ETV6: variants seen among roughly 807,000 people sequenced by gnomAD.
ETV6 encodes the protein ETS variant transcription factor 6.
A neutral mutation model predicts 51.1 loss-of-function variants in ETV6; 16 were observed. The ratio of observed to expected loss-of-function variants is 0.31; its 90% confidence interval spans 0.21 to 0.48. The LOEUF (loss-of-function observed/expected upper bound fraction) is 0.48. ETV6 is among the 20% of genes least tolerant of loss of function. The probability of loss-of-function intolerance (pLI) is 0.99; values close to 1 mark genes in which losing one functional copy is unlikely to be tolerated. For synonymous variants in ETV6, 240 were observed against 224.1 expected (o/e 1.07, Z -0.64); for missense variants, 458 against 594.8 (o/e 0.77, Z 2.39).
At chr12:11,739,602 C>T (rs1416760152) in intron 1 of ETV6, among the ~76,000 whole-genome samples, 3 of 151,972 alleles carry the variant, frequency 2.0e-5, no homozygotes, top group South Asian at 4.2e-4. Flanking sequence ...AATTTAGTGT[C>T]GGATTTGAAA....
intron 5 of ETV6, among the ~76,000 whole-genome samples, chr12:11,873,007 C>G (rs1006205733): frequency 1.3e-5 from 2 of 152,062 alleles, no homozygotes; most frequent in Non-Finnish European, 2.9e-5. Context: ...GTAAAATAAC[C>G]CTGGGGCCTA....
chr12:11,787,043 C>G, intron 2 of ETV6, among the ~76,000 whole-genome samples: 1 of 152,126 alleles, frequency 6.6e-6, no homozygotes, highest in East Asian at 1.9e-4. Context: ...CCCAAAGAGT[C>G]TGAAAGAGTA....
chr12:11,800,617 G>A (rs1353768484), intron 2 of ETV6, among the ~76,000 whole-genome samples: 3 of 152,034 alleles, frequency 2.0e-5, no homozygotes, highest in African/African-American at 7.3e-5. Context: ...ATGTAAGCGA[G>A]ATCGTGTAAT....
intron 4 of ETV6, among the ~76,000 whole-genome samples, chr12:11,861,148 C>T (rs566574220): frequency 6.6e-6 from 1 of 152,228 alleles, no homozygotes; most frequent in South Asian, 2.1e-4. Context: ...CAAGATTAAC[C>T]TTTTTGCAGC....
chr12:11,799,593 T>G (rs1402859012), intron 2 of ETV6, among the ~76,000 whole-genome samples: 4 of 152,120 alleles, frequency 2.6e-5, no homozygotes, highest in African/African-American at 9.7e-5. Context: ...AAAAAGAGGT[T>G]AATAAATCCA....
In ETV6 at chr12:11,873,810, G is replaced by A. The variant is rs1235938906; in HGVS notation, c.1009+3841G>A. On this transcript the variant is annotated intron_variant, in intron 5 of 7. Coordinates refer to ENST00000396373, the MANE Select transcript of ETV6 (RefSeq NM_001987.5). Reference sequence around the variant, plus strand: ...GCTGAGCACAGTTAACTATAAAAGCGAAGCACATGACATGTATCTTAGAAG... The same window carrying A: ...GCTGAGCACAGTTAACTATAAAAGCAAAGCACATGACATGTATCTTAGAAG... Among the ~76,000 whole-genome samples the A allele has an allele frequency of 2.7e-5, 3 of 111,158 alleles. 1 individual carries two copies. Among genetic ancestry groups the A allele is most frequent in the Non-Finnish European group, 5.5e-5 (3 of 54,656 alleles). 72.9% of individuals were successfully genotyped at this position (111,158 alleles called of 152,430 possible).
chr12:11,842,266 C>G (rs1371698665), intron 3 of ETV6, among the ~76,000 whole-genome samples: 2 of 152,098 alleles, frequency 1.3e-5, no homozygotes, highest in African/African-American at 4.8e-5. Flanking sequence ...TCCTGGAAGG[C>G]TTCTCTTGAC....
Position 11,892,210 on chromosome 12 carries a change from AT to A in ETV6, c.*1187del, listed in dbSNP as rs35812814. On this transcript the variant is annotated 3_prime_UTR_variant, in exon 8 of 8. Transcript: ENST00000396373. Reference sequence around the variant, plus strand: ...GTGGTCAGTTTCATGCCCTCACCTGATTTTTTTTTTTTTTTTTTTTTTTCAA... The same window carrying A: ...GTGGTCAGTTTCATGCCCTCACCTGATTTTTTTTTTTTTTTTTTTTTTCAA... 0.088 allele frequency: 13,298 copies of A among 150,986 alleles called. 8 individuals are homozygous for A. Among genetic ancestry groups the A allele is most frequent in the East Asian group, 0.14 (1,669 of 11,690 alleles). 9.4% of individuals were successfully genotyped at this position (150,986 alleles called of 1,614,324 possible). A position where few individuals can be genotyped will look rare whatever the true frequency, so the allele number is the denominator to read the frequency against.
At chr12:11,658,195 C>T (rs548558096) in intron 1 of ETV6, among the ~76,000 whole-genome samples, 10 of 152,156 alleles carry the variant, frequency 6.6e-5, no homozygotes, top group Non-Finnish European at 1.0e-4. Context: ...GTTCTGTGCC[C>T]ACATTATACA....
At chr12:11,883,765 C>G (rs1464392612) in intron 5 of ETV6, among the ~76,000 whole-genome samples, 2 of 152,178 alleles carry the variant, frequency 1.3e-5, no homozygotes, top group Non-Finnish European at 2.9e-5. Context: ...TCCTTTCTGC[C>G]ATGATCCACT....
intron 1 of ETV6, among the ~76,000 whole-genome samples, chr12:11,745,453 C>A (rs1172036167): frequency 6.6e-6 from 1 of 152,216 alleles, no homozygotes; most frequent in Non-Finnish European, 1.5e-5. Context: ...AGCCTTGAGT[C>A]TCTCTTAGAC....
chr12:11,693,966 G>C (rs1260499005), intron 1 of ETV6, among the ~76,000 whole-genome samples: 1 of 152,212 alleles, frequency 6.6e-6, no homozygotes, highest in Non-Finnish European at 1.5e-5. Context: ...CCTCAAACTA[G>C]GGAGATTATA....
At chr12:11,686,736 A>G (rs1450670853) in intron 1 of ETV6, among the ~76,000 whole-genome samples, 1 of 152,112 alleles carries the variant, frequency 6.6e-6, no homozygotes, top group Non-Finnish European at 1.5e-5. Flanking sequence ...CCATTTGGCC[A>G]GGCTGGTCTC....
rs531574754 is a variant in ETV6 at position 11,869,029 on chromosome 12, G to C, written c.464-395G>C. The stretch of plus-strand genomic sequence containing the variant: ...AGGCAGGCAGAGCACGAGGTCAGGA[G>C]ACCCAGACCATCCTGGCTAACACGG... On this transcript the variant is annotated intron_variant, in intron 4 of 7. Coordinates refer to ENST00000396373, the MANE Select transcript of ETV6 (RefSeq NM_001987.5). The surrounding 1 kb of genome is among the most constrained non-coding windows in gnomAD (Gnocchi z 5.0). Among the ~76,000 whole-genome samples the C allele has an allele frequency of 6.6e-5, 10 of 152,256 alleles. No individual in the cohort carries two copies. The highest frequency in any genetic ancestry group is 1.0e-4 in the Non-Finnish European group (7 of 68,012).
At chr12:11,798,932 C>T (rs966919059) in intron 2 of ETV6, among the ~76,000 whole-genome samples, 3 of 152,204 alleles carry the variant, frequency 2.0e-5, no homozygotes, top group Middle Eastern at 3.2e-3. Flanking sequence ...TCCCTCCAAC[C>T]GTTGCTTGTT....
rs1175768985 is a variant in ETV6, at chr12:11,823,719, G to A, written c.164-15421G>A. On this transcript the variant is annotated intron_variant, in intron 2 of 7. Coordinates refer to ENST00000396373, the MANE Select transcript of ETV6 (RefSeq NM_001987.5). ...CTGACCTTGTGATCCGCCTGCCTCG[G>A]CCTCCCAAAATGCGGGATTACAGGT... Among the ~76,000 whole-genome samples, 23 of 152,100 alleles carry A rather than the reference G, an allele frequency of 1.5e-4. 1 individual carries two copies. The highest frequency in any genetic ancestry group is 1.5e-3 in the Admixed American group (23 of 15,270).
chr12:11,889,932 T>C (rs2239177), intron 7 of ETV6, among the ~76,000 whole-genome samples: 68,472 of 151,762 alleles, frequency 0.45, 15,697 homozygotes, highest in Middle Eastern at 0.54. Flanking sequence ...ACAGTGTAGG[T>C]GGAACATCTG....
At chr12:11,851,232 G>T (rs957816324) in intron 3 of ETV6, among the ~76,000 whole-genome samples, 1 of 131,474 alleles carries the variant, frequency 7.6e-6, no homozygotes, top group East Asian at 2.2e-4. Context: ...CTAATTACTG[G>T]ACCTTTTTTT....
intron 1 of ETV6, among the ~76,000 whole-genome samples, chr12:11,664,752 G>A (rs775167497): frequency 1.3e-5 from 2 of 152,072 alleles, no homozygotes; most frequent in Admixed American, 6.6e-5. Flanking sequence ...GTGCATACTC[G>A]TCTTTCTCCT....
Sources: gnomAD v4.1 joint callset for allele counts (sites outside exome capture counted in the v4.1 genomes callset) on GRCh38, gnomAD v4.1.1 for gene constraint, Gnocchi (gnomAD v3.1) non-coding constraint, MANE v1.5 for transcripts, NCBI Gene and HGNC (gene_info 2026-07-23, HGNC 2026-07-21) for gene names.